The following CNTN4 variants were observed in gnomAD, a reference collection of about 807,000 sequenced individuals.
CNTN4 encodes contactin 4, also known as contactin-4.
CNTN4 carries 77 observed loss-of-function variants against 122.5 expected under a neutral mutation model. That is an observed-to-expected ratio of 0.63 (90% CI 0.52 to 0.76). The LOEUF (loss-of-function observed/expected upper bound fraction) is 0.76. Among genes scored for constraint, CNTN4 ranks in the 30% least tolerant of loss-of-function variants. The pLI, the probability that CNTN4 is intolerant of heterozygous loss-of-function variation, is 0.00. For synonymous variants in CNTN4, 512 were observed against 447.0 expected, an observed-to-expected ratio of 1.15 and a Z score of -1.83; for missense variants, 1,256 against 1,259.1, an observed-to-expected ratio of 1.00 and a Z score of 0.04.
At chr3:2,785,646 G>T (rs2091782038) in intron 6 of CNTN4, among the ~76,000 whole-genome samples, 1 of 152,210 alleles carries the variant, frequency 6.6e-6, no homozygotes, top group South Asian at 2.1e-4. Context: ...GGAACTGGAA[G>T]GAAACTCGAC....
intron 3 of CNTN4, among the ~76,000 whole-genome samples, chr3:2,418,020 C>G (rs2102030): frequency 0.94 from 143,440 of 152,236 alleles, 67,612 homozygotes; most frequent in East Asian, 0.99. Context: ...AGGATTTTTA[C>G]GGCAGTGAAA....
At chr3:2,491,934 A>G (rs994041525) in intron 3 of CNTN4, among the ~76,000 whole-genome samples, 1 of 151,898 alleles carries the variant, frequency 6.6e-6, no homozygotes, top group Non-Finnish European at 1.5e-5. Context: ...TCATAAATCT[A>G]TACTGTAAAC....
At chr3:2,151,522 G>T (rs913526269) in intron 2 of CNTN4, among the ~76,000 whole-genome samples, 9 of 151,962 alleles carry the variant, frequency 5.9e-5, no homozygotes, top group African/African-American at 2.2e-4. Flanking sequence ...AAGGTGCTTG[G>T]GATACGTCAG....
intron 4 of CNTN4, among the ~76,000 whole-genome samples, chr3:2,688,784 C>A (rs1473775219): frequency 6.6e-6 from 1 of 152,142 alleles, no homozygotes; most frequent in Non-Finnish European, 1.5e-5. Context: ...TCTTTGTAAC[C>A]ACACTGGGAA....
intron 18 of CNTN4, among the ~76,000 whole-genome samples, 158 bp from the exon 19 acceptor site, chr3:3,038,775 C>T (rs1187614579): frequency 6.6e-6 from 1 of 150,488 alleles, no homozygotes; most frequent in Admixed American, 6.7e-5. Flanking sequence ...CTCGAGCGGT[C>T]GCCGTGGGCC....
At chr3:2,947,424 A>G (rs911679509) in intron 13 of CNTN4, among the ~76,000 whole-genome samples, 3 of 152,164 alleles carry the variant, frequency 2.0e-5, no homozygotes, top group Non-Finnish European at 4.4e-5. Context: ...CTATCCCTTT[A>G]TGTTACCAAT....
chr3:2,167,715 A>G (rs1007982592), intron 2 of CNTN4, among the ~76,000 whole-genome samples: 27 of 152,246 alleles, frequency 1.8e-4, no homozygotes, highest in African/African-American at 6.0e-4. Context: ...AAATATGATG[A>G]CTAAAAGTAA....
At chr3:2,763,313 C>T (rs1224053144) in intron 6 of CNTN4, among the ~76,000 whole-genome samples, 1 of 152,190 alleles carries the variant, frequency 6.6e-6, no homozygotes, top group South Asian at 2.1e-4. Context: ...CTATTCATGT[C>T]TTTTGCCCAC....
At chr3:2,577,629 C>T (rs576911211) in intron 4 of CNTN4, among the ~76,000 whole-genome samples, 73 of 152,034 alleles carry the variant, frequency 4.8e-4, no homozygotes, top group African/African-American at 1.6e-3. Flanking sequence ...ATATGTATGC[C>T]GATAGGGTTA....
chr3:2,745,603 C>G lies in CNTN4; in HGVS notation c.264C>G (p.Asn88Lys). 6.2e-7 allele frequency: 1 copy of G among 1,614,108 alleles called. No homozygotes were observed. Among genetic ancestry groups the G allele is most frequent in the Non-Finnish European group, 8.5e-7 (1 of 1,179,984 alleles). ...SVVEGSLLIN[N>K]PNKTQDAGTY... ...TTGAAGGGAGCTTGTTGATCAATAA[C>G]CCCAATAAAACCCAAGATGCTGGAA... The change falls in exon 6 of 25, where the codon AAC (asparagine) becomes AAG (lysine). Residue 88 changes from asparagine to lysine, a missense_variant. Physicochemically the swap from Asn to Lys is moderately conservative, Grantham distance 94. Coordinates refer to ENST00000418658, the MANE Select transcript of CNTN4 (RefSeq NM_175607.3).
intron 23 of CNTN4, among the ~76,000 whole-genome samples, chr3:3,046,341 T>A (rs977241049): frequency 4.6e-5 from 7 of 151,698 alleles, no homozygotes; most frequent in Admixed American, 4.6e-4. Flanking sequence ...TTCACCAAAG[T>A]CGAAATGAAG....
At chr3:2,522,278 T>A (rs745941433) in intron 3 of CNTN4, among the ~76,000 whole-genome samples, 1 of 152,028 alleles carries the variant, frequency 6.6e-6, no homozygotes, top group Non-Finnish European at 1.5e-5. Context: ...TATGCAAAGT[T>A]GCAACATGAT....
At chr3:2,453,983 G>A (rs976420285) in intron 3 of CNTN4, among the ~76,000 whole-genome samples, 3 of 152,058 alleles carry the variant, frequency 2.0e-5, no homozygotes, top group Admixed American at 6.6e-5. Context: ...ATATTGAAGT[G>A]ATTTCTGTGC....
intron 12 of CNTN4, among the ~76,000 whole-genome samples, chr3:2,911,589 A>G (rs1157755057): frequency 1.3e-5 from 2 of 152,206 alleles, no homozygotes; most frequent in Non-Finnish European, 2.9e-5. Context: ...ATCAACCCTA[A>G]AGAAACAGAG....
At chr3:2,259,515 C>T (rs1249944681) in intron 2 of CNTN4, among the ~76,000 whole-genome samples, 5 of 152,190 alleles carry the variant, frequency 3.3e-5, no homozygotes, top group East Asian at 1.9e-4. Context: ...AAAGAAAAAG[C>T]GGTTTAATGG....
chr3:2,820,919 G>A (rs1385544901), intron 7 of CNTN4, among the ~76,000 whole-genome samples: 4 of 125,506 alleles, frequency 3.2e-5, no homozygotes, highest in Non-Finnish European at 6.9e-5. Context: ...AGCTCATAAT[G>A]TTCTTTTATA....
intron 12 of CNTN4, among the ~76,000 whole-genome samples, chr3:2,910,866 C>T (rs13097124): frequency 0.011 from 1,711 of 152,172 alleles, 12 homozygotes; most frequent in Non-Finnish European, 0.017. Context: ...CCCTTTTTCC[C>T]CAATGGACCA....
At chr3:2,208,487 A>T (rs1308621404) in intron 2 of CNTN4, among the ~76,000 whole-genome samples, 1 of 152,148 alleles carries the variant, frequency 6.6e-6, no homozygotes, top group Non-Finnish European at 1.5e-5. Flanking sequence ...CTGAGATGAA[A>T]TCTACTCCTG....
At position 2,594,610 on chromosome 3, in the gene CNTN4, C is replaced by T. The variant is rs556179233; in HGVS notation, c.55+23052C>T. ...ATATTTATGTTTTTTTTGGTAGAGA[C>T]GGGGTTTCACCATGTTGGCCAGGCT... is the stretch of plus-strand genomic sequence containing the variant. On this transcript the variant is annotated intron_variant, in intron 4 of 24. Coordinates refer to ENST00000418658, the MANE Select transcript of CNTN4 (RefSeq NM_175607.3). Among the ~76,000 whole-genome samples, 191 of 151,492 alleles carry T rather than the reference C, an allele frequency of 1.3e-3. 2 individuals are homozygous for T. The highest frequency in any genetic ancestry group is 4.2e-3 in the African/African-American group (174 of 41,286).
Sources: gnomAD v4.1 joint callset for allele counts (sites outside exome capture counted in the v4.1 genomes callset) on GRCh38, gnomAD v4.1.1 for gene constraint, MANE v1.5 for transcripts, NCBI Gene and HGNC (gene_info 2026-07-23, HGNC 2026-07-21) for gene names.